The following SBF2 variants were observed in gnomAD, a reference collection of about 807,000 sequenced individuals.
SBF2 encodes the protein SET binding factor 2.
SBF2 carries 112 observed loss-of-function variants against 225.2 expected under a neutral mutation model. That is an observed-to-expected ratio of 0.50 (90% CI 0.43 to 0.58). The LOEUF (loss-of-function observed/expected upper bound fraction) is 0.58, where lower values mean the gene tolerates loss of function less well. SBF2 is among the 20% of genes least tolerant of loss of function. The pLI is 0.00. For synonymous variants in SBF2, 763 were observed against 773.3 expected (o/e 0.99, Z 0.22); for missense variants, 1,996 against 2,206.2 (o/e 0.90, Z 1.91).
At chr11:10,002,288 T>C (rs1483688953) in intron 7 of SBF2, among the ~76,000 whole-genome samples, 2 of 152,210 alleles carry the variant, frequency 1.3e-5, no homozygotes, top group Non-Finnish European at 2.9e-5. Flanking sequence ...CAAATAGCAT[T>C]GACTAGACAT....
At chr11:10,203,637 C>G (rs1214887045) in intron 1 of SBF2, among the ~76,000 whole-genome samples, 3 of 150,904 alleles carry the variant, frequency 2.0e-5, no homozygotes, top group Admixed American at 2.0e-4. Flanking sequence ...GGACAAAAAT[C>G]AATCAACTGA....
In SBF2 at chr11:10,161,238, G is replaced by A. The variant is rs561291415; in HGVS notation, c.141+32664C>T. On this transcript the variant is annotated intron_variant, in intron 2 of 39. Coordinates refer to ENST00000256190, the MANE Select transcript of SBF2 (RefSeq NM_030962.4). ...CATAAGAAAATAGCAGTTTTCAATC[G>A]TTTTTTTCTGGCTGCCACAAACATG... 4.1e-5 allele frequency among the ~76,000 whole-genome samples: 6 copies of A among 147,370 alleles called. No homozygotes were observed. The East Asian group carries it at 8.1e-4, about 20-fold the overall frequency.
intron 28 of SBF2, among the ~76,000 whole-genome samples, chr11:9,820,874 G>T (rs1201377516): frequency 6.6e-6 from 1 of 152,194 alleles, no homozygotes; most frequent in East Asian, 1.9e-4. Flanking sequence ...TTTTCCTTTT[G>T]TTCCTAAACA....
chr11:9,784,504 G>A (rs1378847688), intron 37 of SBF2, 66 bp from the exon 38 acceptor site: 2 of 1,240,074 alleles, frequency 1.6e-6, no homozygotes, highest in Non-Finnish European at 2.4e-6. Context: ...AAAGGGGAGG[G>A]GATATCTGTT....
At position 9,998,334 on chromosome 11, in the gene SBF2, G is replaced by A; in HGVS notation, c.907C>T (p.Pro303Ser). Residue 303 changes from proline (P) to serine (S), a missense_variant, in exon 9 of 40, where the codon CCC (proline) becomes TCC (serine). By Grantham distance (74) the Pro-to-Ser change is moderately conservative. Coordinates refer to ENST00000256190, the MANE Select transcript of SBF2 (RefSeq NM_030962.4). ...AGGGAAGAGAGGTGAATACATTCGG[G>A]AATTTTAATAGTGCCTCCATCCAAA... ...ADLDGGTIKI[P>S]ECIHLSSLPE... The A allele has an allele frequency of 6.2e-7, 1 of 1,608,634 alleles. No homozygotes were observed. The highest frequency in any genetic ancestry group is 8.5e-7 in the Non-Finnish European group (1 of 1,175,468).
intron 27 of SBF2, chr11:9,829,760 A>G (rs1018491840): frequency 1.2e-5 from 5 of 432,502 alleles, no homozygotes; most frequent in African/African-American, 8.0e-5. Flanking sequence ...CTGGAAAACC[A>G]GCACAGGGCT....
intron 17 of SBF2, among the ~76,000 whole-genome samples, chr11:9,881,378 G>A (rs1027968468): frequency 6.6e-6 from 1 of 152,078 alleles, no homozygotes. Flanking sequence ...TCAAAACGCT[G>A]GGGTGAAGCC....
upstream of SBF2, chr11:10,294,342 G>A (rs1271887720): frequency 3.0e-6 from 1 of 330,358 alleles, no homozygotes; most frequent in African/African-American, 2.2e-5. Context: ...GCTGCGCTGG[G>A]GGAGTGGGCG....
intron 6 of SBF2, among the ~76,000 whole-genome samples, chr11:10,023,807 C>G (rs1948947539): frequency 6.6e-6 from 1 of 152,122 alleles, no homozygotes; most frequent in Non-Finnish European, 1.5e-5. Flanking sequence ...CTTTCTGACT[C>G]TTATAAATAA....
intron 6 of SBF2, among the ~76,000 whole-genome samples, chr11:10,021,723 T>G (rs1369459560): frequency 1.3e-5 from 2 of 152,222 alleles, no homozygotes; most frequent in East Asian, 3.8e-4. Flanking sequence ...ATCTGCTTCC[T>G]GTCTGTGCTT....
intron 16 of SBF2, among the ~76,000 whole-genome samples, chr11:9,937,902 A>T (rs1864994267): frequency 6.6e-6 from 1 of 152,180 alleles, no homozygotes; most frequent in Admixed American, 6.5e-5. Flanking sequence ...ACATCTAATA[A>T]ACCAAAAAAC....
At chr11:10,281,639 G>A (rs61889839) in intron 1 of SBF2, among the ~76,000 whole-genome samples, 1 of 151,876 alleles carries the variant, frequency 6.6e-6, no homozygotes, top group African/African-American at 2.4e-5. Context: ...CTTGGTTCTC[G>A]GTACTTTATT....
chr11:9,812,735 G>A (rs760356979), intron 29 of SBF2, 27 bp from the exon 30 acceptor site: 1 of 1,610,986 alleles, frequency 6.2e-7, no homozygotes, highest in African/African-American at 1.3e-5. Context: ...AGAGAATTAG[G>A]CAGATGAAGT....
intron 4 of SBF2, 71 bp downstream of exon 4, chr11:10,030,977 C>T: frequency 7.5e-7 from 1 of 1,332,250 alleles, no homozygotes; most frequent in Non-Finnish European, 1.1e-6. Context: ...ATCCAAAGAA[C>T]TTGTACCATG....
chr11:9,997,438 T>C (rs1947751425), intron 9 of SBF2, among the ~76,000 whole-genome samples: 1 of 152,218 alleles, frequency 6.6e-6, no homozygotes, highest in Admixed American at 6.5e-5. Flanking sequence ...TTGGCTTGAA[T>C]GTAGCATATA....
intron 1 of SBF2, among the ~76,000 whole-genome samples, chr11:10,198,160 T>C (rs879710639): frequency 6.6e-6 from 1 of 152,196 alleles, no homozygotes; most frequent in Non-Finnish European, 1.5e-5. Flanking sequence ...CCAGATTCAA[T>C]CAGAGGAATC....
At chr11:10,064,823 A>G (rs77883822) in intron 2 of SBF2, among the ~76,000 whole-genome samples, 1,802 of 152,348 alleles carry the variant, frequency 0.012, 20 homozygotes, top group Admixed American at 0.018. Context: ...AATATCCTCT[A>G]TTTCAGTCAA....
chr11:9,995,949 C>T (rs551281906), intron 9 of SBF2, among the ~76,000 whole-genome samples: 90 of 152,012 alleles, frequency 5.9e-4, no homozygotes, highest in African/African-American at 1.7e-3. Context: ...CATGAGCCAC[C>T]GCACCCGGCC....
At chr11:10,098,460 G>A (rs1272920876) in intron 2 of SBF2, among the ~76,000 whole-genome samples, 2 of 146,460 alleles carry the variant, frequency 1.4e-5, no homozygotes, top group Non-Finnish European at 3.1e-5. Context: ...GGCAAGGCAA[G>A]GCTTCAAGGA....
Sources: gnomAD v4.1 joint callset for allele counts (sites outside exome capture counted in the v4.1 genomes callset) on GRCh38, gnomAD v4.1.1 for gene constraint, MANE v1.5 for transcripts, NCBI Gene and HGNC (gene_info 2026-07-23, HGNC 2026-07-21) for gene names.